Variants in SLC12A5 observed in about 807,000 individuals in gnomAD.
SLC12A5 encodes solute carrier family 12 member 5, also known as K-Cl cotransporter 2.
SLC12A5 carries 18 observed loss-of-function variants against 124.0 expected under a neutral mutation model. The ratio of observed to expected loss-of-function variants is 0.15; its 90% confidence interval spans 0.10 to 0.22. The LOEUF (loss-of-function observed/expected upper bound fraction) is 0.22, where lower values mean the gene tolerates loss of function less well. Among genes scored for constraint, SLC12A5 ranks in the 10% least tolerant of loss-of-function variants. SLC12A5 has a pLI of 1.00. For synonymous variants in SLC12A5, 589 were observed against 568.0 expected (o/e 1.04, Z -0.53); for missense variants, 867 against 1,478.7 (o/e 0.59, Z 6.78).
In SLC12A5 at chr20:46,053,843, C is replaced by G; in HGVS notation, c.2679+134C>G. 5.8e-6 allele frequency: 6 copies of G among 1,031,200 alleles called. No homozygotes were observed. Among genetic ancestry groups the G allele is most frequent in the Non-Finnish European group, 8.1e-6 (6 of 739,532 alleles). 63.9% of individuals were successfully genotyped at this position (1,031,200 alleles called of 1,614,324 possible). On this transcript the variant is annotated intron_variant, in intron 20 of 25. Transcript: ENST00000243964. This position sits in a 1 kb window ranked among gnomAD's most constrained non-coding sequence, Gnocchi z 4.7. ...TTCCCCCTCATCCATCTCTTAGCCT[C>G]TCACATATTCAGCCATCCCTCCCTT...
Position 46,047,535 on chromosome 20 carries a change from C to T in SLC12A5, c.1869C>T (p.Leu623=), listed in dbSNP as rs1766779754. 2 of 1,613,912 alleles carry T rather than the reference C, an allele frequency of 1.2e-6. No homozygotes were observed. The highest frequency in any genetic ancestry group is 1.7e-6 in the Non-Finnish European group (2 of 1,179,938). Residue 623 remains leucine, a synonymous_variant, in exon 15 of 26, where the codon CTC becomes CTT. Coordinates refer to ENST00000243964, the MANE Select transcript of SLC12A5 (RefSeq NM_020708.5). ...GGTATTATGCACTGGTAGCCATGCT[C>T]ATTGCTGGACTCATCTACAAGTACA... is the stretch of plus-strand genomic sequence containing the variant. ...CSWYYALVAM[L]IAGLIYKYIE... is the part of the protein sequence containing the mutation.
intron 6 of SLC12A5, among the ~76,000 whole-genome samples, chr20:46,037,833 C>T (rs1488262563): frequency 6.6e-6 from 1 of 152,184 alleles, no homozygotes; most frequent in Non-Finnish European, 1.5e-5. Flanking sequence ...GTGTGATTGC[C>T]TCCCAAGGGG....
intron 16 of SLC12A5, among the ~76,000 whole-genome samples, chr20:46,049,274 A>G (rs1474372551): frequency 6.6e-6 from 1 of 152,226 alleles, no homozygotes; most frequent in Admixed American, 6.5e-5. Context: ...AAGTTTATGT[A>G]CACGTGGGCG....
chr20:46,033,306 A>C (rs77547060), intron 1 of SLC12A5, among the ~76,000 whole-genome samples: 8,418 of 152,126 alleles, frequency 0.055, 266 homozygotes, highest in Non-Finnish European at 0.081. Context: ...TTTCACTTGG[A>C]ATTTGATCAG....
At chr20:46,025,870 G>A (rs564472110), upstream of SLC12A5, among the ~76,000 whole-genome samples, 2 of 152,304 alleles carry the variant, frequency 1.3e-5, no homozygotes, top group Admixed American at 1.3e-4. Flanking sequence ...CACAGCCAGC[G>A]GTGGGTGGGT....
At position 46,053,253 on chromosome 20, in the gene SLC12A5, TC is replaced by T. The variant is rs34974085; in HGVS notation, c.2547+131del. The stretch of plus-strand genomic sequence containing the variant: ...CCAGGGTCAGCTTCCGTGTCCTTCC[TC>T]CCCTGTAAACTCCTGGGAAAGGGAT... On this transcript the variant is annotated intron_variant, in intron 19 of 25. Coordinates refer to ENST00000243964, the MANE Select transcript of SLC12A5 (RefSeq NM_020708.5). The surrounding 1 kb of genome is among the most constrained non-coding windows in gnomAD (Gnocchi z 4.7). The T allele has an allele frequency of 2.9e-6, 3 of 1,049,182 alleles. No homozygotes were observed. The East Asian group carries it at 7.9e-5, about 28-fold the overall frequency. 65.0% of individuals were successfully genotyped at this position (1,049,182 alleles called of 1,614,324 possible). A position where few individuals can be genotyped will look rare whatever the true frequency, so the allele number is the denominator to read the frequency against.
At chr20:46,042,218 A>C (rs2084554293) in intron 8 of SLC12A5, among the ~76,000 whole-genome samples, 1 of 152,092 alleles carries the variant, frequency 6.6e-6, no homozygotes, top group Non-Finnish European at 1.5e-5. Context: ...GCCATTTTGG[A>C]GAGTTGGGAC....
At chr20:46,029,917 CGTGTGTGTGT>C (rs34618340) in intron 1 of SLC12A5, among the ~76,000 whole-genome samples, 5 of 143,688 alleles carry the variant, frequency 3.5e-5, no homozygotes, top group African/African-American at 5.3e-5. Flanking sequence ...TGTGTGTGTG[CGTGTGTGTGT>C]GTGTGTGTGT....
upstream of SLC12A5, among the ~76,000 whole-genome samples, chr20:46,026,480 A>G (rs1600584154): frequency 1.3e-5 from 2 of 152,132 alleles, no homozygotes; most frequent in South Asian, 2.1e-4. Context: ...TCTGAACCTC[A>G]CCACAGAGAG....
chr20:46,029,419 C>CG (rs1187185665), intron 1 of SLC12A5, 23 bp downstream of exon 1: 1 of 1,363,604 alleles, frequency 7.3e-7, no homozygotes, highest in Admixed American at 2.2e-5. Flanking sequence ...CCGGGGGCGG[C>CG]GGGGGAGGGG....
At chr20:46,046,296 C>T (rs373112326) in intron 13 of SLC12A5, 42 bp from the exon 14 acceptor site, 2 of 1,554,974 alleles carry the variant, frequency 1.3e-6, no homozygotes, top group East Asian at 2.2e-5. Flanking sequence ...TTTCTGCCTC[C>T]CTTTGCATCT....
chr20:46,052,827 C>A, intron 18 of SLC12A5, 130 bp from the exon 19 acceptor site: 2 of 968,952 alleles, frequency 2.1e-6, no homozygotes, highest in Non-Finnish European at 3.0e-6. Flanking sequence ...TCTGACCACT[C>A]AGCCCATGGC....
At chr20:46,039,898 C>T (rs1186515667) in intron 6 of SLC12A5, among the ~76,000 whole-genome samples, 1 of 152,052 alleles carries the variant, frequency 6.6e-6, no homozygotes, top group Non-Finnish European at 1.5e-5. Context: ...TTCACCCAAC[C>T]TCGAGTGATG....
chr20:46,047,976 C>T lies in SLC12A5; in HGVS notation c.1908-5C>T. On this transcript the variant is annotated splice_polypyrimidine_tract_variant and splice_region_variant and intron_variant, in intron 15 of 25. Transcript: ENST00000243964. ...CTCTCATGTGATCCACTTCCCGGCT[C>T]CCAGGGCAGAGAAGGAGTGGGGCGA... 1 of 1,606,466 alleles carries T rather than the reference C, an allele frequency of 6.2e-7. No individual in the cohort carries two copies. The highest frequency in any genetic ancestry group is 2.2e-5 in the East Asian group (1 of 44,670).
At chr20:46,027,911 T>C (rs1489320006), upstream of SLC12A5, 5 of 152,224 alleles carry the variant, frequency 3.3e-5, no homozygotes, top group Admixed American at 3.3e-4. Flanking sequence ...TGACTGATCT[T>C]TTCCCAACCG....
Position 46,046,002 on chromosome 20 carries a change from T to C in SLC12A5, c.1688+6T>C. 1 of 1,612,680 alleles carries C rather than the reference T, an allele frequency of 6.2e-7. No individual in the cohort carries two copies. Among genetic ancestry groups the C allele is most frequent in the Non-Finnish European group, 8.5e-7 (1 of 1,178,708 alleles). The stretch of plus-strand genomic sequence containing the variant: ...GTGGCCCCCATCCTCTCTATGTGCG[T>C]GCCTGACTTCTTGCCCTCCCCCCTG... On this transcript the variant is annotated splice_donor_region_variant and intron_variant, in intron 13 of 25. Transcript: ENST00000243964.
Position 46,057,051 on chromosome 20 carries a change from T to C in SLC12A5, c.3126-119T>C, listed in dbSNP as rs1568869673. ...CTAGCCTGGAGATGTTTAGGATTGG[T>C]GGTCCTAGGCTTGCAAGAACCAGTC... On this transcript the variant is annotated intron_variant, in intron 24 of 25. Coordinates refer to ENST00000243964, the MANE Select transcript of SLC12A5 (RefSeq NM_020708.5). This position sits in a 1 kb window ranked among gnomAD's most constrained non-coding sequence, Gnocchi z 7.1. 6.3e-7 allele frequency: 1 copy of C among 1,587,834 alleles called. No homozygotes were observed. The highest frequency in any genetic ancestry group is 2.2e-5 in the East Asian group (1 of 44,644).
chr20:46,047,301 C>A (rs755071135), intron 14 of SLC12A5, among the ~76,000 whole-genome samples, 153 bp from the exon 15 acceptor site: 18 of 152,156 alleles, frequency 1.2e-4, no homozygotes, highest in Non-Finnish European at 2.1e-4. Context: ...CCCCGTAGTC[C>A]TCATGGGGAT....
chr20:46,027,996 C>T (rs996799128), upstream of SLC12A5, among the ~76,000 whole-genome samples: 1 of 152,156 alleles, frequency 6.6e-6, no homozygotes, highest in Non-Finnish European at 1.5e-5. Flanking sequence ...CCGATCTGCT[C>T]CCACCCTCAG....
Sources: gnomAD v4.1 joint callset for allele counts (sites outside exome capture counted in the v4.1 genomes callset) on GRCh38, gnomAD v4.1.1 for gene constraint, Gnocchi (gnomAD v3.1) non-coding constraint, MANE v1.5 for transcripts, NCBI Gene and HGNC (gene_info 2026-07-23, HGNC 2026-07-21) for gene names.